Variants in PRAP1 observed in about 807,000 individuals in gnomAD.
PRAP1 encodes proline rich acidic protein 1.
Under a neutral mutation model 14.6 loss-of-function variants are expected in PRAP1, and 12 were observed. That is an observed-to-expected ratio of 0.82 (90% CI 0.53 to 1.33). PRAP1 has a LOEUF of 1.33. Ranked by LOEUF, PRAP1 falls within the 40% of genes most tolerant of loss-of-function variation. The pLI is 0.00. For synonymous variants in PRAP1, 81 were observed against 80.3 expected, an observed-to-expected ratio of 1.01 and a Z score of -0.04; for missense variants, 160 against 193.7, an observed-to-expected ratio of 0.83 and a Z score of 1.03.
At chr10:133,349,360 C>T (rs898861077) in intron 1 of PRAP1, among the ~76,000 whole-genome samples, 2 of 151,714 alleles carry the variant, frequency 1.3e-5, no homozygotes, top group African/African-American at 4.8e-5. Flanking sequence ...TCACACACTC[C>T]GCACCACACA....
chr10:133,350,241 G>A, intron 2 of PRAP1, 80 bp downstream of exon 2: 1 of 1,322,068 alleles, frequency 7.6e-7, no homozygotes, highest in Non-Finnish European at 1.1e-6. Context: ...TGGACAAAGG[G>A]CCCCTCTTCT....
rs534371826 is a variant in PRAP1 at position 133,351,339 on chromosome 10, G to T, written c.76-42G>T. 5 of 1,521,566 alleles carry T rather than the reference G, an allele frequency of 3.3e-6. No homozygotes were observed. The highest frequency in any genetic ancestry group is 2.5e-5 in the East Asian group (1 of 40,484). 94.3% of individuals were successfully genotyped at this position (1,521,566 alleles called of 1,614,324 possible). ...ACCTCTCCCCAGGTGTCCTCCACCCGCGTGGACTGTGGCCCAGCCCACACC... is the reference window on the plus strand; with the variant it reads ...ACCTCTCCCCAGGTGTCCTCCACCCTCGTGGACTGTGGCCCAGCCCACACC... On this transcript the variant is annotated intron_variant, in intron 2 of 4. Transcript: ENST00000433452. This position sits in a 1 kb window ranked among gnomAD's most constrained non-coding sequence, Gnocchi z 4.3.
chr10:133,349,830 T>C (rs1848649099), intron 1 of PRAP1, among the ~76,000 whole-genome samples: 1 of 152,124 alleles, frequency 6.6e-6, no homozygotes, highest in Non-Finnish European at 1.5e-5. Context: ...CCTGCCACAG[T>C]GGGGTCTGCC....
rs190399312 is a variant in PRAP1 at position 133,351,064 on chromosome 10, C to T, written c.76-317C>T. Among the ~76,000 whole-genome samples the T allele has an allele frequency of 8.5e-4, 130 of 152,288 alleles. 2 individuals are homozygous for T. Among genetic ancestry groups the T allele is most frequent in the Admixed American group, 7.6e-3 (117 of 15,304 alleles). On this transcript the variant is annotated intron_variant, in intron 2 of 4. Transcript: ENST00000433452. This position sits in a 1 kb window ranked among gnomAD's most constrained non-coding sequence, Gnocchi z 4.3. Reference sequence around the variant, plus strand: ...AGAAAACAGCCAGTGCATTGACGGCCAGGGTTGGGAGTGCTAGGTCAGGGA... The same window carrying T: ...AGAAAACAGCCAGTGCATTGACGGCTAGGGTTGGGAGTGCTAGGTCAGGGA...
At chr10:133,348,366 C>T (rs2133400200) in intron 1 of PRAP1, among the ~76,000 whole-genome samples, 1 of 152,328 alleles carries the variant, frequency 6.6e-6, no homozygotes, top group South Asian at 2.1e-4. Context: ...TTTGACCTCT[C>T]ACCATGGCTG....
intron 2 of PRAP1, chr10:133,350,480 G>C (rs1381014668): frequency 6.5e-6 from 2 of 309,080 alleles, no homozygotes; most frequent in Non-Finnish European, 1.2e-5. Context: ...AGGTGGAGGA[G>C]GTGGGCCCGG....
chr10:133,350,165 G>C lies in PRAP1; in HGVS notation c.75+4G>C, dbSNP rs757189561. 75 of 1,612,826 alleles carry C rather than the reference G, an allele frequency of 4.7e-5. No individual in the cohort carries two copies. Among genetic ancestry groups the C allele is most frequent in the Non-Finnish European group, 6.3e-5 (74 of 1,179,558 alleles). On this transcript the variant is annotated splice_donor_region_variant and intron_variant, in intron 2 of 4. Coordinates refer to ENST00000433452, the MANE Select transcript of PRAP1 (RefSeq NM_145202.5). ...AGGTGCAGTCCCAGCACCCAAGGTA[G>C]GTGTGAGCCCCTCCCATCTGGGCAG... is the stretch of plus-strand genomic sequence containing the variant.
chr10:133,347,566 C>A lies in PRAP1; in HGVS notation c.8+141C>A. On this transcript the variant is annotated intron_variant, in intron 1 of 4. Coordinates refer to ENST00000433452, the MANE Select transcript of PRAP1 (RefSeq NM_145202.5). This position sits in a 1 kb window ranked among gnomAD's most constrained non-coding sequence, Gnocchi z 5.0. ...TGCGGGTGGGAGGGAGAAGGAGGGG[C>A]CCTCTGAGGGTCTGGGGTCTGCCAC... The A allele has an allele frequency of 2.3e-6, 2 of 851,140 alleles. No individual in the cohort carries two copies. The highest frequency in any genetic ancestry group is 1.8e-6 in the Non-Finnish European group (1 of 561,354). 52.7% of individuals were successfully genotyped at this position (851,140 alleles called of 1,614,324 possible).
chr10:133,347,380 C>T lies in PRAP1; in HGVS notation c.-38C>T. The T allele has an allele frequency of 6.2e-7, 1 of 1,612,728 alleles. No individual in the cohort carries two copies. Among genetic ancestry groups the T allele is most frequent in the Non-Finnish European group, 8.5e-7 (1 of 1,179,168 alleles). On this transcript the variant is annotated 5_prime_UTR_variant, in exon 1 of 5. Coordinates refer to ENST00000433452, the MANE Select transcript of PRAP1 (RefSeq NM_145202.5). The surrounding 1 kb of genome is among the most constrained non-coding windows in gnomAD (Gnocchi z 5.0). ...CAGATACTGGGATCAGCCACTGCAG[C>T]TCCCTGAGCACTCTCTACAGAGACG...
intron 2 of PRAP1, chr10:133,350,458 C>T (rs918494259): frequency 3.8e-5 from 13 of 344,836 alleles, no homozygotes; most frequent in African/African-American, 2.5e-4. Flanking sequence ...CCAGATGAGC[C>T]CCCGTGACCC....
At chr10:133,348,206 G>A (rs1424777422) in intron 1 of PRAP1, among the ~76,000 whole-genome samples, 1 of 152,202 alleles carries the variant, frequency 6.6e-6, no homozygotes, top group East Asian at 1.9e-4. Context: ...GGTGGCCCAG[G>A]CAGCACGGCA....
intron 4 of PRAP1, 23 bp from the exon 5 acceptor site, chr10:133,352,224 T>C (rs777374684): frequency 1.2e-6 from 2 of 1,611,874 alleles, no homozygotes; most frequent in Non-Finnish European, 1.7e-6. Flanking sequence ...ACTGAGACTA[T>C]ACCTTCATGT....
Position 133,352,489 on chromosome 10 carries a change from T to C in PRAP1, c.*49T>C, listed in dbSNP as rs1157966428. 5 of 1,544,712 alleles carry C rather than the reference T, an allele frequency of 3.2e-6. No homozygotes were observed. The Admixed American group carries it at 8.7e-5, about 27-fold the overall frequency. On this transcript the variant is annotated 3_prime_UTR_variant, in exon 5 of 5. Transcript: ENST00000433452. ...CCGCCCTGTCCCAAGGCCCAGGCTG[T>C]TGGGACTGGGACCCTCCCTACCCTG... is the stretch of plus-strand genomic sequence containing the variant.
chr10:133,352,025 G>A lies in PRAP1; in HGVS notation c.147G>A (p.Val49=). ...CCAGCAGGGCCTGGGGCGCCCGTGT[G>A]GTGGAGCCTCCGGAGAAGGACGACC... ...QDPEKAWGAR[V]VEPPEKDDQL... The change falls in exon 4 of 5, where the codon GTG becomes GTA. Residue 49 remains valine, a synonymous_variant. Coordinates refer to ENST00000433452, the MANE Select transcript of PRAP1 (RefSeq NM_145202.5). 6.2e-7 allele frequency: 1 copy of A among 1,612,858 alleles called. No homozygotes were observed. Among genetic ancestry groups the A allele is most frequent in the Non-Finnish European group, 8.5e-7 (1 of 1,179,974 alleles).
At position 133,352,286 on chromosome 10, in the gene PRAP1, A is replaced by C. The variant is rs4369319; in HGVS notation, c.302A>C (p.His101Pro). 6.2e-7 allele frequency: 1 copy of C among 1,613,040 alleles called. No homozygotes were observed. The highest frequency in any genetic ancestry group is 1.1e-5 in the South Asian group (1 of 91,076). The change falls in exon 5 of 5, where the codon CAT (histidine) becomes CCT (proline). Residue 101 changes from histidine (H) to proline (P), a missense_variant. Coordinates refer to ENST00000433452, the MANE Select transcript of PRAP1 (RefSeq NM_145202.5). ...AWMETEDTLG[H>P]VLSPEPDHDS... The stretch of plus-strand genomic sequence containing the variant: ...ATGGAGACCGAGGACACCCTGGGCC[A>C]TGTCCTGAGTCCCGAGCCCGACCAT...
intron 2 of PRAP1, chr10:133,350,560 G>T: frequency 5.2e-6 from 1 of 193,220 alleles, no homozygotes; most frequent in Admixed American, 5.5e-5. Context: ...GTGGAGGAGG[G>T]CCCGGATGAC....
chr10:133,350,026 AG>A, intron 1 of PRAP1, 68 bp from the exon 2 acceptor site: 1 of 1,436,356 alleles, frequency 7.0e-7, no homozygotes, highest in Non-Finnish European at 9.6e-7. Context: ...GCTGCCCATC[AG>A]GGTGCTGCCT....
Position 133,352,010 on chromosome 10 carries a change from C to T in PRAP1, c.132C>T (p.Ala44=). ...CCTGACCAAACTGTGCCAGCAGGGC[C>T]TGGGGCGCCCGTGTGGTGGAGCCTC... is the stretch of plus-strand genomic sequence containing the variant. ...HWPSEQDPEK[A]WGARVVEPPE... The change falls in exon 4 of 5, where the codon GCC becomes GCT. Residue 44 remains alanine, a synonymous_variant. Coordinates refer to ENST00000433452, the MANE Select transcript of PRAP1 (RefSeq NM_145202.5). 1.2e-6 allele frequency: 2 copies of T among 1,612,552 alleles called. No homozygotes were observed. Among genetic ancestry groups the T allele is most frequent in the Non-Finnish European group, 1.7e-6 (2 of 1,179,902 alleles).
Position 133,352,040 on chromosome 10 carries a change from G to T in PRAP1, c.162G>T (p.Glu54Asp), listed in dbSNP as rs771534779. The T allele has an allele frequency of 6.2e-7, 1 of 1,612,970 alleles. No homozygotes were observed. The highest frequency in any genetic ancestry group is 1.1e-5 in the South Asian group (1 of 91,088). The change falls in exon 4 of 5, where the codon GAG (glutamate) becomes GAT (aspartate). Residue 54 changes from glutamate to aspartate, a missense_variant. Physicochemically the swap from Glu to Asp is conservative, Grantham distance 45 (BLOSUM62 2). Coordinates refer to ENST00000433452, the MANE Select transcript of PRAP1 (RefSeq NM_145202.5). ...AWGARVVEPPEKDDQLVVLFP... is the reference protein window; with the variant it reads ...AWGARVVEPPDKDDQLVVLFP... ...GCGCCCGTGTGGTGGAGCCTCCGGA[G>T]AAGGACGACCAGCTGGTGGTGCTGT...
Sources: allele counts gnomAD v4.1 joint callset (sites outside exome capture counted in the v4.1 genomes callset), GRCh38; gene constraint gnomAD v4.1.1; non-coding constraint Gnocchi (gnomAD v3.1); transcripts MANE v1.5; gene names NCBI Gene and HGNC (gene_info 2026-07-23, HGNC 2026-07-21).